The following CFAP20DC variants were observed in gnomAD, a reference collection of about 807,000 sequenced individuals.
The protein encoded by CFAP20DC is protein CFAP20DC.
In CFAP20DC, 84 loss-of-function variants were observed where a neutral mutation model predicts 101.7. The ratio of observed to expected loss-of-function variants is 0.83; its 90% CI spans 0.69 to 0.99. CFAP20DC has a LOEUF of 0.99. CFAP20DC is among the 50% of genes least tolerant of loss of function. The probability of loss-of-function intolerance (pLI) is 0.00; values close to 1 mark genes in which losing one functional copy is unlikely to be tolerated. For missense variants in CFAP20DC, 1,007 were observed against 970.3 expected (o/e 1.04, Z -0.50); for synonymous variants, 359 against 351.2 (o/e 1.02, Z -0.25).
intron 4 of CFAP20DC, among the ~76,000 whole-genome samples, chr3:58,943,859 G>T (rs752664876): frequency 6.6e-6 from 1 of 152,026 alleles, no homozygotes; most frequent in East Asian, 1.9e-4. Context: ...CTAGAATAAC[G>T]AGTTTAGAAA....
At chr3:58,785,424 G>A (rs1331210366) in intron 15 of CFAP20DC, among the ~76,000 whole-genome samples, 1 of 152,070 alleles carries the variant, frequency 6.6e-6, no homozygotes, top group Non-Finnish European at 1.5e-5. Flanking sequence ...GTAGCTAGAA[G>A]GGAGGACTTG....
chr3:58,848,361 C>T (rs1480348173), intron 13 of CFAP20DC, among the ~76,000 whole-genome samples: 2 of 152,066 alleles, frequency 1.3e-5, no homozygotes, highest in Admixed American at 6.6e-5. Flanking sequence ...ATATTTAGGA[C>T]ATGAAACATA....
chr3:58,819,311 T>TA (rs1200932836), intron 14 of CFAP20DC, among the ~76,000 whole-genome samples: 1 of 151,788 alleles, frequency 6.6e-6, no homozygotes, highest in Non-Finnish European at 1.5e-5. Context: ...CTGAAGGAAA[T>TA]AGAGACACAA....
rs576078852 is a variant in CFAP20DC at position 59,046,068 on chromosome 3, G to C, written c.205+161C>G. Among the ~76,000 whole-genome samples, 807 of 151,920 alleles carry C rather than the reference G, an allele frequency of 5.3e-3. 3 individuals are homozygous for C. Among genetic ancestry groups the C allele is most frequent in the Non-Finnish European group, 8.6e-3 (583 of 67,940 alleles). ...TATATTTTTTTAAAGGCCTAGCATA[G>C]TGCCTAGCATAGTTAGTTGCCCTCT... On this transcript the variant is annotated intron_variant, in intron 3 of 16. Coordinates refer to ENST00000482387, the MANE Select transcript of CFAP20DC (RefSeq NM_001394063.1).
chr3:58,808,400 G>A (rs991993006), intron 14 of CFAP20DC, among the ~76,000 whole-genome samples: 1 of 152,208 alleles, frequency 6.6e-6, no homozygotes, highest in Non-Finnish European at 1.5e-5. Context: ...AAAGAGTGGG[G>A]ACCAATATTC....
intron 6 of CFAP20DC, among the ~76,000 whole-genome samples, chr3:58,886,717 A>G (rs1029411608): frequency 3.9e-5 from 6 of 152,174 alleles, no homozygotes; most frequent in Admixed American, 1.3e-4. Flanking sequence ...GTCTTAAAAA[A>G]AAGAAAAAGA....
At chr3:58,984,567 G>C (rs1279206536) in intron 4 of CFAP20DC, among the ~76,000 whole-genome samples, 1 of 152,172 alleles carries the variant, frequency 6.6e-6, no homozygotes, top group Admixed American at 6.5e-5. Flanking sequence ...TTACAGTTGA[G>C]AAGTAATTTG....
At chr3:58,889,781 G>A (rs551432188) in intron 6 of CFAP20DC, among the ~76,000 whole-genome samples, 1 of 134,908 alleles carries the variant, frequency 7.4e-6, no homozygotes, top group African/African-American at 2.8e-5. Flanking sequence ...CTTCAAGCAT[G>A]TGTTTAACAA....
rs2084595322 is a variant in CFAP20DC at position 58,915,538 on chromosome 3, C to T, written c.394-1674G>A. Among the ~76,000 whole-genome samples the T allele has an allele frequency of 2.0e-5, 3 of 151,948 alleles. No homozygotes were observed. The South Asian group carries it at 6.2e-4, about 32-fold the overall frequency. On this transcript the variant is annotated intron_variant, in intron 5 of 16. Coordinates refer to ENST00000482387, the MANE Select transcript of CFAP20DC (RefSeq NM_001394063.1). The stretch of plus-strand genomic sequence containing the variant: ...ATTCTTCCCCACACATACTAAGTAC[C>T]TATCATGTGTTAGACTCTGGGCTTG...
At chr3:58,733,922 T>C (rs1283033644) in intron 3 of CFAP20DC, among the ~76,000 whole-genome samples, 2 of 152,214 alleles carry the variant, frequency 1.3e-5, no homozygotes, top group Non-Finnish European at 2.9e-5. Context: ...AATATGAAGC[T>C]CTAACTTTAA....
chr3:59,013,985 C>G (rs1354660039), intron 4 of CFAP20DC, among the ~76,000 whole-genome samples: 1 of 152,168 alleles, frequency 6.6e-6, no homozygotes, highest in African/African-American at 2.4e-5. Flanking sequence ...AAGGATAATA[C>G]TGAATTCACT....
intron 5 of CFAP20DC, among the ~76,000 whole-genome samples, chr3:58,933,859 C>G (rs4681703): frequency 0.98 from 148,156 of 151,640 alleles, 72,454 homozygotes; most frequent in East Asian, 1. Context: ...ACAATTAAAA[C>G]AACTAGAAAA....
chr3:58,767,058 G>A (rs573043698), intron 15 of CFAP20DC, among the ~76,000 whole-genome samples: 4 of 152,280 alleles, frequency 2.6e-5, no homozygotes, highest in African/African-American at 4.8e-5. Flanking sequence ...AACCCCATTA[G>A]ACTCTAGCTC....
chr3:58,843,106 C>G (rs1344271301), intron 13 of CFAP20DC, among the ~76,000 whole-genome samples: 3 of 152,186 alleles, frequency 2.0e-5, no homozygotes, highest in Admixed American at 2.0e-4. Flanking sequence ...CGCAGAGCGC[C>G]TCTCTTCCTC....
At chr3:58,925,853 T>G (rs1157059426) in intron 5 of CFAP20DC, among the ~76,000 whole-genome samples, 3 of 152,212 alleles carry the variant, frequency 2.0e-5, no homozygotes, top group African/African-American at 7.2e-5. Context: ...ATGTTAATCT[T>G]AACAGCATTC....
In CFAP20DC at chr3:58,992,463, T is replaced by C. The variant is rs1273970901; in HGVS notation, c.278+47094A>G. On this transcript the variant is annotated intron_variant, in intron 4 of 16. Coordinates refer to ENST00000482387, the MANE Select transcript of CFAP20DC (RefSeq NM_001394063.1). ...TATGTACAGTCAGTTGAATGACATA[T>C]TGGTCAGAAAAACAAGAAATTAAAA... 5 of 584,358 alleles carry C rather than the reference T, an allele frequency of 8.6e-6. No homozygotes were observed. The East Asian group carries it at 7.1e-4, about 83-fold the overall frequency. 36.2% of individuals were successfully genotyped at this position (584,358 alleles called of 1,614,324 possible).
intron 6 of CFAP20DC, among the ~76,000 whole-genome samples, chr3:58,895,277 C>A (rs2082577009): frequency 6.6e-6 from 1 of 152,204 alleles, no homozygotes; most frequent in African/African-American, 2.4e-5. Flanking sequence ...TCAGAACTTT[C>A]ATGTTCTGCT....
Position 58,888,905 on chromosome 3 carries a change from T to C in CFAP20DC, c.551-4196A>G, listed in dbSNP as rs941076561. On this transcript the variant is annotated intron_variant, in intron 6 of 16. Coordinates refer to ENST00000482387, the MANE Select transcript of CFAP20DC (RefSeq NM_001394063.1). ...GGAATCACCACGCTGTCTTCCATGA[T>C]GGATGAACTATGAACTAATTTGCAC... is the stretch of plus-strand genomic sequence containing the variant. 2.0e-4 allele frequency among the ~76,000 whole-genome samples: 31 copies of C among 152,292 alleles called. 1 individual carries two copies. The South Asian group carries it at 5.0e-3, about 24-fold the overall frequency.
At chr3:58,778,598 C>G (rs2071550166) in intron 15 of CFAP20DC, among the ~76,000 whole-genome samples, 1 of 152,194 alleles carries the variant, frequency 6.6e-6, no homozygotes. Context: ...AACCCACACA[C>G]CAACCTGATC....
Sources: gnomAD v4.1 joint callset for allele counts (sites outside exome capture counted in the v4.1 genomes callset) on GRCh38, gnomAD v4.1.1 for gene constraint, MANE v1.5 for transcripts, NCBI Gene and HGNC (gene_info 2026-07-23, HGNC 2026-07-21) for gene names.